The following CDH3 variants were observed in gnomAD, a reference collection of about 807,000 sequenced individuals.
CDH3 encodes the protein cadherin 3.
A neutral mutation model predicts 82.0 loss-of-function variants in CDH3; 54 were observed. The observed-to-expected ratio is 0.66, with a 90% confidence interval of 0.53 to 0.83. The LOEUF (loss-of-function observed/expected upper bound fraction) is 0.83. Ranked by LOEUF, CDH3 falls within the 40% of genes least tolerant of loss-of-function variation. The pLI, the probability that CDH3 is intolerant of heterozygous loss-of-function variation, is 0.00. For missense variants in CDH3, 1,054 were observed against 1,084.6 expected, an observed-to-expected ratio of 0.97 and a Z score of 0.40; for synonymous variants, 446 against 437.9, an observed-to-expected ratio of 1.02 and a Z score of -0.23.
intron 10 of CDH3, 100 bp from the exon 11 acceptor site, chr16:68,685,105 A>G: frequency 7.2e-7 from 1 of 1,395,354 alleles, no homozygotes; most frequent in Non-Finnish European, 1.0e-6. Context: ...CCTGCTTAGG[A>G]GCCCAGAGGC....
At chr16:68,728,570 A>G (rs577199236), downstream of CDH3, among the ~76,000 whole-genome samples, 1 of 151,478 alleles carries the variant, frequency 6.6e-6, no homozygotes, top group South Asian at 2.1e-4. Context: ...TGATGGGATG[A>G]CAGGCTTGAG....
At chr16:68,684,476 G>A (rs1961341232) in intron 9 of CDH3, 107 bp from the exon 10 acceptor site, 1 of 1,298,844 alleles carries the variant, frequency 7.7e-7, no homozygotes, top group Non-Finnish European at 1.1e-6. Context: ...GCTAGTGAGG[G>A]CCTCAAGCCC....
Position 68,684,640 on chromosome 16 carries a change from G to T in CDH3, c.1240G>T (p.Ala414Ser). Residue 414 changes from alanine to serine, a missense_variant, in exon 10 of 16, where the codon GCC becomes TCC. Coordinates refer to ENST00000264012, the MANE Select transcript of CDH3 (RefSeq NM_001793.6). ...HTLYVEVTNE[A>S]PFVLKLPTST... ...CCTGTACGTTGAAGTGACCAACGAG[G>T]CCCCTTTTGTGCTGAAGCTCCCAAC... The T allele has an allele frequency of 6.2e-7, 1 of 1,614,176 alleles. No individual in the cohort carries two copies. The highest frequency in any genetic ancestry group is 8.5e-7 in the Non-Finnish European group (1 of 1,180,028).
chr16:68,682,199 G>A (rs1961247513), intron 8 of CDH3, 103 bp from the exon 9 acceptor site: 2 of 1,328,126 alleles, frequency 1.5e-6, no homozygotes, highest in Admixed American at 3.9e-5. Flanking sequence ...CCAGGAAAGG[G>A]TAAAGGCATG....
downstream of CDH3, among the ~76,000 whole-genome samples, chr16:68,728,068 A>T (rs1962237438): frequency 6.6e-6 from 1 of 152,248 alleles, no homozygotes; most frequent in Non-Finnish European, 1.5e-5. Flanking sequence ...ATTGGCATCC[A>T]GCACAAAGCC....
intron 12 of CDH3, among the ~76,000 whole-genome samples, chr16:68,689,253 G>A (rs1961496685): frequency 6.6e-6 from 1 of 152,168 alleles, no homozygotes; most frequent in Non-Finnish European, 1.5e-5. Flanking sequence ...TGCCCATTTA[G>A]CCGGGCAAGG....
chr16:68,685,418 G>C, intron 11 of CDH3, 68 bp downstream of exon 11: 1 of 1,527,174 alleles, frequency 6.5e-7, no homozygotes, highest in South Asian at 1.1e-5. Flanking sequence ...ACACAGCACA[G>C]CATGTTTCCT....
chr16:68,654,351 A>C (rs1597791517), intron 2 of CDH3, among the ~76,000 whole-genome samples: 1 of 116,686 alleles, frequency 8.6e-6, no homozygotes, highest in African/African-American at 3.4e-5. Flanking sequence ...GAGCCACCGC[A>C]CCTGGCCTTT....
rs1365106690 is a variant in CDH3, at chr16:68,698,562, T to TAAGGA, written c.*163_*164insAGGAA. ...TCTGACGTTAGAGTGGTGGCTTCCT[T>TAAGGA]AGCCTTTCAGGATGGAGGAATGTGG... On this transcript the variant is annotated 3_prime_UTR_variant, in exon 16 of 16. Coordinates refer to ENST00000264012, the MANE Select transcript of CDH3 (RefSeq NM_001793.6). The TAAGGA allele has an allele frequency of 1.6e-6, 1 of 640,420 alleles. No individual in the cohort carries two copies. Among genetic ancestry groups the TAAGGA allele is most frequent in the Non-Finnish European group, 2.8e-6 (1 of 363,412 alleles). The allele number at this position is 640,420 out of a possible 1,614,324, so 39.7% of individuals were successfully genotyped here. A position where few individuals can be genotyped will look rare whatever the true frequency, so the allele number is the denominator to read the frequency against.
chr16:68,679,905 C>A lies in CDH3; in HGVS notation c.798C>A (p.His266Gln). Residue 266 changes from histidine to glutamine, a missense_variant, in exon 7 of 16, where the codon CAC becomes CAA. By Grantham distance (24) the His-to-Gln change is conservative. Coordinates refer to ENST00000264012, the MANE Select transcript of CDH3 (RefSeq NM_001793.6). ...SIHSQEPKDPHDLMFTIHRST... is the reference protein window; with the variant it reads ...SIHSQEPKDPQDLMFTIHRST... ...ATAGCCAAGAACCAAAGGACCCACA[C>A]GACCTCATGTTCACCATTCACCGGA... The A allele has an allele frequency of 6.2e-7, 1 of 1,614,086 alleles. No homozygotes were observed. The highest frequency in any genetic ancestry group is 1.1e-5 in the South Asian group (1 of 91,078).
At chr16:68,648,369 C>T (rs1960139188) in intron 2 of CDH3, among the ~76,000 whole-genome samples, 1 of 151,960 alleles carries the variant, frequency 6.6e-6, no homozygotes, top group South Asian at 2.1e-4. Flanking sequence ...ATGAAACCTA[C>T]ATGACTGTGG....
At chr16:68,660,367 A>G (rs1960529832) in intron 2 of CDH3, among the ~76,000 whole-genome samples, 1 of 152,252 alleles carries the variant, frequency 6.6e-6, no homozygotes, top group Admixed American at 6.5e-5. Flanking sequence ...CATGACTCAG[A>G]AGTAAACTAC....
chr16:68,689,555 AAG>A (rs199940396), intron 12 of CDH3, among the ~76,000 whole-genome samples: 251 of 107,302 alleles, frequency 2.3e-3, no homozygotes, highest in Non-Finnish European at 2.5e-3. Flanking sequence ...AAAAAAAAAA[AAG>A]AAAGAAAGAA....
intron 2 of CDH3, among the ~76,000 whole-genome samples, chr16:68,668,333 A>C (rs1469292909): frequency 6.6e-6 from 1 of 152,208 alleles, no homozygotes; most frequent in East Asian, 1.9e-4. Flanking sequence ...AGTTAGGAAC[A>C]GGAGTCAGTT....
chr16:68,697,194 G>A (rs1567458405), intron 15 of CDH3, among the ~76,000 whole-genome samples: 1 of 151,654 alleles, frequency 6.6e-6, no homozygotes, highest in Non-Finnish European at 1.5e-5. Context: ...CGTCCTGGTG[G>A]GCGCCTGTAG....
intron 12 of CDH3, 117 bp from the exon 13 acceptor site, chr16:68,691,603 G>A: frequency 1.3e-6 from 1 of 798,708 alleles, no homozygotes; most frequent in Non-Finnish European, 2.2e-6. Context: ...GTGTGCTTGT[G>A]GAGTATTTCT....
At chr16:68,704,219 A>G (rs1011098573), downstream of CDH3, among the ~76,000 whole-genome samples, 7 of 151,864 alleles carry the variant, frequency 4.6e-5, no homozygotes, top group African/African-American at 1.7e-4. Flanking sequence ...CCCGGGAGGC[A>G]GAGCTTGCAG....
chr16:68,680,735 G>C (rs1012639091), intron 7 of CDH3, among the ~76,000 whole-genome samples: 2 of 152,140 alleles, frequency 1.3e-5, no homozygotes, highest in Admixed American at 1.3e-4. Flanking sequence ...CGATGCCAAG[G>C]CTTCCCTAGG....
At chr16:68,681,204 A>C in intron 8 of CDH3, 108 bp downstream of exon 8, 6 of 1,244,256 alleles carry the variant, frequency 4.8e-6, no homozygotes, top group South Asian at 3.6e-5. Flanking sequence ...CAGTCTCAGC[A>C]CTATGGCTGT....
Sources: allele counts gnomAD v4.1 joint callset (sites outside exome capture counted in the v4.1 genomes callset), GRCh38; gene constraint gnomAD v4.1.1; transcripts MANE v1.5; gene names NCBI Gene and HGNC (gene_info 2026-07-23, HGNC 2026-07-21).